The following FRMD3 variants were observed in gnomAD, a reference collection of about 807,000 sequenced individuals.
The protein encoded by FRMD3 is FERM domain containing 3, also known as FERM domain-containing protein 3.
Under a neutral mutation model 70.2 loss-of-function variants are expected in FRMD3, and 33 were observed. The observed-to-expected ratio is 0.47, with a 90% CI of 0.36 to 0.63. FRMD3 has a LOEUF of 0.63. Among genes scored for constraint, FRMD3 ranks in the 20% least tolerant of loss-of-function variants. The probability of loss-of-function intolerance (pLI) is 0.00; values close to 1 mark genes in which losing one functional copy is unlikely to be tolerated. For synonymous variants in FRMD3, 279 were observed against 255.9 expected, an observed-to-expected ratio of 1.09 and a Z score of -0.86; for missense variants, 632 against 711.4, an observed-to-expected ratio of 0.89 and a Z score of 1.27.
At chr9:83,436,533 C>T (rs1234833815) in intron 1 of FRMD3, among the ~76,000 whole-genome samples, 1 of 148,936 alleles carries the variant, frequency 6.7e-6, no homozygotes, top group East Asian at 2.0e-4. Context: ...AATCTTGCTT[C>T]AGGAAGCAAT....
At chr9:83,350,863 T>C (rs1824133107) in intron 3 of FRMD3, 1 of 534,804 alleles carries the variant, frequency 1.9e-6, no homozygotes, top group African/African-American at 2.1e-5. Flanking sequence ...CACTACCGAC[T>C]TGTAATATTA....
rs553536070 is a variant in FRMD3 at position 83,263,292 on chromosome 9, A to G, written c.1196-14776T>C. ...AAACCAGTGCTAATTAGAATTCCTCATTACTTGCTGATGATGGCATCCTAA... is the reference window on the plus strand; with the variant it reads ...AAACCAGTGCTAATTAGAATTCCTCGTTACTTGCTGATGATGGCATCCTAA... On this transcript the variant is annotated intron_variant, in intron 13 of 13. Coordinates refer to ENST00000304195, the MANE Select transcript of FRMD3 (RefSeq NM_174938.6). Among the ~76,000 whole-genome samples the G allele has an allele frequency of 2.6e-5, 4 of 152,342 alleles. No individual in the cohort carries two copies. In the East Asian group the frequency reaches 5.8e-4, roughly 22 times the overall value.
At chr9:83,492,987 C>T (rs1262576260) in intron 1 of FRMD3, among the ~76,000 whole-genome samples, 1 of 152,110 alleles carries the variant, frequency 6.6e-6, no homozygotes, top group Admixed American at 6.5e-5. Context: ...AAATACCAGT[C>T]GCCACTCTTG....
At chr9:83,387,181 T>C (rs1440562243) in intron 2 of FRMD3, among the ~76,000 whole-genome samples, 1 of 152,210 alleles carries the variant, frequency 6.6e-6, no homozygotes, top group Non-Finnish European at 1.5e-5. Context: ...TAATTATTAT[T>C]GTGTATGCTG....
At chr9:83,549,922 T>TTATTC in the FRMD3 span, among the ~76,000 whole-genome samples, 1 of 152,210 alleles carries the variant, frequency 6.6e-6, no homozygotes, top group East Asian at 1.9e-4. Context: ...TGTTGATAGT[T>TTATTC]TGTTTTGCTG....
chr9:83,345,272 A>C (rs1205533522), intron 4 of FRMD3, among the ~76,000 whole-genome samples: 1 of 139,806 alleles, frequency 7.2e-6, no homozygotes, highest in Non-Finnish European at 1.6e-5. Context: ...AGTCCCTAAT[A>C]AGTTTCTAAT....
chr9:83,575,629 G>C, the FRMD3 span, among the ~76,000 whole-genome samples: 1 of 152,100 alleles, frequency 6.6e-6, no homozygotes, highest in African/African-American at 2.4e-5. Context: ...ACACAAAACT[G>C]TATGCCAGTG....
In FRMD3 at chr9:83,343,019, A is replaced by G. The variant is rs1823825412; in HGVS notation, c.472+171T>C. Among the ~76,000 whole-genome samples, 3 of 152,188 alleles carry G rather than the reference A, an allele frequency of 2.0e-5. No individual in the cohort carries two copies. The South Asian group carries it at 6.2e-4, about 32-fold the overall frequency. The stretch of plus-strand genomic sequence containing the variant: ...CAGCCCAGCCTTTCACCGGGACCCC[A>G]CTGGCTTGGAAGGGAAGGTGAGTTG... On this transcript the variant is annotated intron_variant, in intron 5 of 13. Coordinates refer to ENST00000304195, the MANE Select transcript of FRMD3 (RefSeq NM_174938.6).
chr9:83,573,317 T>A, the FRMD3 span, among the ~76,000 whole-genome samples: 2 of 152,178 alleles, frequency 1.3e-5, no homozygotes, highest in African/African-American at 4.8e-5. Context: ...TTAAAAAGCC[T>A]ATAGGCTAAG....
chr9:83,460,849 T>C (rs895244875), intron 1 of FRMD3, among the ~76,000 whole-genome samples: 1 of 152,134 alleles, frequency 6.6e-6, no homozygotes, highest in African/African-American at 2.4e-5. Context: ...TAGTAACTAA[T>C]TTAAATCTAT....
chr9:83,548,635 A>C, the FRMD3 span, among the ~76,000 whole-genome samples: 1 of 152,168 alleles, frequency 6.6e-6, no homozygotes, highest in Non-Finnish European at 1.5e-5. Context: ...TATTCTGTAT[A>C]ATACTCCAGT....
chr9:83,404,492 C>T (rs1826042314), intron 1 of FRMD3, among the ~76,000 whole-genome samples: 1 of 152,058 alleles, frequency 6.6e-6, no homozygotes. Flanking sequence ...TGCATCATGG[C>T]AGAGCCTGAT....
intron 3 of FRMD3, among the ~76,000 whole-genome samples, chr9:83,351,706 T>TAGATA (rs1824168167): frequency 6.6e-6 from 1 of 151,566 alleles, no homozygotes; most frequent in Non-Finnish European, 1.5e-5. Flanking sequence ...GATAGATAGA[T>TAGATA]AGATAGATAG....
At chr9:83,244,136 A>AT (rs1382938239), downstream of FRMD3, among the ~76,000 whole-genome samples, 1 of 76,132 alleles carries the variant, frequency 1.3e-5, no homozygotes, top group Non-Finnish European at 3.8e-5. Context: ...CATCATCTCA[A>AT]AAAAAAAAAA....
At chr9:83,451,722 CCAGAGGA>C (rs1464494704) in intron 1 of FRMD3, among the ~76,000 whole-genome samples, 3 of 152,130 alleles carry the variant, frequency 2.0e-5, no homozygotes, top group Non-Finnish European at 4.4e-5. Flanking sequence ...AATGAGCTGG[CCAGAGGA>C]CCAGTCCCAG....
At chr9:83,404,161 C>T (rs1321696341) in intron 1 of FRMD3, among the ~76,000 whole-genome samples, 6 of 152,088 alleles carry the variant, frequency 3.9e-5, no homozygotes, top group South Asian at 2.1e-4. Flanking sequence ...CTGGGCTCCC[C>T]GGCTATCACA....
At chr9:83,414,750 T>C (rs1024154916) in intron 1 of FRMD3, among the ~76,000 whole-genome samples, 2 of 152,222 alleles carry the variant, frequency 1.3e-5, no homozygotes, top group African/African-American at 4.8e-5. Context: ...ACTACACAAA[T>C]ATCATGGTCA....
intron 12 of FRMD3, among the ~76,000 whole-genome samples, chr9:83,295,810 A>G (rs1834637114): frequency 6.6e-6 from 1 of 152,332 alleles, no homozygotes; most frequent in South Asian, 2.1e-4. Flanking sequence ...CCTCTGGAAC[A>G]GGCAGATGAT....
chr9:83,571,247 TC>T, the FRMD3 span, among the ~76,000 whole-genome samples: 3 of 152,144 alleles, frequency 2.0e-5, no homozygotes, highest in African/African-American at 7.2e-5. Context: ...TCCTCTTCAC[TC>T]CCCTTCTACT....
Sources: gnomAD v4.1 joint callset for allele counts (sites outside exome capture counted in the v4.1 genomes callset) on GRCh38, gnomAD v4.1.1 for gene constraint, MANE v1.5 for transcripts, NCBI Gene and HGNC (gene_info 2026-07-23, HGNC 2026-07-21) for gene names.